Variants in RANBP2 observed in about 807,000 individuals in gnomAD.
RANBP2 encodes the protein RAN binding protein 2, also known as E3 SUMO-protein ligase RanBP2.
In RANBP2, 57 loss-of-function variants were observed where a neutral mutation model predicts 303.6. The ratio of observed to expected loss-of-function variants is 0.19; its 90% confidence interval spans 0.15 to 0.23. The LOEUF (loss-of-function observed/expected upper bound fraction) is 0.23. RANBP2 is among the 10% of genes least tolerant of loss of function. RANBP2 has a pLI of 1.00. For synonymous variants in RANBP2, 1,167 were observed against 1,301.5 expected (o/e 0.90, Z 2.23); for missense variants, 3,138 against 3,780.8 (o/e 0.83, Z 4.46).
At chr2:109,548,116 A>C in the RANBP2 span, among the ~76,000 whole-genome samples, 1 of 146,926 alleles carries the variant, frequency 6.8e-6, no homozygotes, top group Non-Finnish European at 1.5e-5. Context: ...TTCTGCATGC[A>C]GTTCAGAGAG....
In RANBP2 at chr2:108,783,823, G is replaced by A; in HGVS notation, c.9597G>A (p.Val3199=). 6.2e-7 allele frequency: 1 copy of A among 1,612,864 alleles called. No homozygotes were observed. The highest frequency in any genetic ancestry group is 1.1e-5 in the South Asian group (1 of 91,006). ...FGFVKDGMDT[V]KKIESFGSPK... is the part of the protein sequence containing the mutation. Reference sequence around the variant, plus strand: ...TTGTTAAGGATGGCATGGATACTGTGAAAAAGATTGAATCATTTGGTTCTC... The same window carrying A: ...TTGTTAAGGATGGCATGGATACTGTAAAAAAGATTGAATCATTTGGTTCTC... Residue 3199 remains valine, a synonymous_variant, in exon 29 of 29, where the codon GTG becomes GTA. Coordinates refer to ENST00000283195, the MANE Select transcript of RANBP2 (RefSeq NM_006267.5).
chr2:109,264,529 A>T, the RANBP2 span, among the ~76,000 whole-genome samples: 1 of 152,400 alleles, frequency 6.6e-6, no homozygotes, highest in East Asian at 1.9e-4. Flanking sequence ...GGCAAAGTGA[A>T]TCAAGTCTCA....
the RANBP2 span, among the ~76,000 whole-genome samples, chr2:109,670,541 C>T: frequency 1.3e-4 from 20 of 152,132 alleles, no homozygotes; most frequent in African/African-American, 3.1e-4. Flanking sequence ...CTGCCAGTGG[C>T]GGGTGGCAGA....
chr2:108,911,376 G>A, the RANBP2 span, among the ~76,000 whole-genome samples: 1,634 of 152,266 alleles, frequency 0.011, 15 homozygotes, highest in Non-Finnish European at 0.018. Flanking sequence ...TGAGGGCAGG[G>A]TTTGGTGTGG....
chr2:108,858,354 A>C, the RANBP2 span, among the ~76,000 whole-genome samples: 3 of 151,812 alleles, frequency 2.0e-5, no homozygotes, highest in South Asian at 6.2e-4. Flanking sequence ...AAAAACAAAC[A>C]AACAAACAAA....
chr2:108,756,123 A>T (rs2149245473), intron 17 of RANBP2, among the ~76,000 whole-genome samples: 1 of 152,334 alleles, frequency 6.6e-6, no homozygotes, highest in Middle Eastern at 3.4e-3. Context: ...AAAATATAAG[A>T]GTTCGTGGCA....
At chr2:108,966,535 CCTG>C in the RANBP2 span, among the ~76,000 whole-genome samples, 2 of 152,218 alleles carry the variant, frequency 1.3e-5, no homozygotes, top group Non-Finnish European at 2.9e-5. Flanking sequence ...GCTCTTTCAA[CCTG>C]AAGACTATGA....
the RANBP2 span, among the ~76,000 whole-genome samples, chr2:109,704,831 A>G: frequency 1.3e-5 from 2 of 152,186 alleles, no homozygotes; most frequent in South Asian, 4.1e-4. Context: ...AGCCTGGGTG[A>G]CAGGAACGAA....
chr2:108,798,594 T>C, the RANBP2 span: 1 of 1,571,636 alleles, frequency 6.4e-7, no homozygotes, highest in Non-Finnish European at 8.7e-7. Flanking sequence ...GAGGTAACTA[T>C]ATAGCCTTTG....
the RANBP2 span, among the ~76,000 whole-genome samples, chr2:109,394,318 C>T: frequency 6.6e-6 from 1 of 152,170 alleles, no homozygotes; most frequent in African/African-American, 2.4e-5. Context: ...GCGGGGTCCC[C>T]TGTGGGATGG....
chr2:109,129,456 G>A, the RANBP2 span: 1 of 1,495,364 alleles, frequency 6.7e-7, no homozygotes, highest in South Asian at 1.2e-5. Context: ...CGGCTCCCCA[G>A]TCCTGATGCT....
chr2:109,466,935 ATG>A, the RANBP2 span, among the ~76,000 whole-genome samples: 1,616 of 151,564 alleles, frequency 0.011, 34 homozygotes, highest in African/African-American at 0.038. Context: ...GTATGCATGT[ATG>A]TGTGTGTCTA....
the RANBP2 span, among the ~76,000 whole-genome samples, chr2:109,493,554 A>G: frequency 6.8e-6 from 1 of 147,878 alleles, no homozygotes; most frequent in Non-Finnish European, 1.5e-5. Flanking sequence ...CACCATACAC[A>G]TACATACCAT....
the RANBP2 span, among the ~76,000 whole-genome samples, chr2:109,581,368 C>T: frequency 6.6e-5 from 10 of 151,428 alleles, 1 homozygote; most frequent in Admixed American, 6.6e-4. Context: ...ACCCAGGAGG[C>T]GGAGGTTGCA....
the RANBP2 span, among the ~76,000 whole-genome samples, chr2:109,646,657 AT>A: frequency 0.33 from 38,734 of 118,912 alleles, 4,587 homozygotes; most frequent in East Asian, 0.44. Context: ...ATGACTGGCT[AT>A]TTTTTTTTTT....
At chr2:108,803,247 A>G in the RANBP2 span, among the ~76,000 whole-genome samples, 7 of 152,142 alleles carry the variant, frequency 4.6e-5, no homozygotes, top group East Asian at 1.4e-3. Context: ...GAGCGGCTCA[A>G]AGTTGAGCCC....
At chr2:109,277,594 C>A in the RANBP2 span, among the ~76,000 whole-genome samples, 2 of 152,204 alleles carry the variant, frequency 1.3e-5, no homozygotes, top group Non-Finnish European at 2.9e-5. Context: ...ATCTATCACC[C>A]TGCACTCCTC....
the RANBP2 span, among the ~76,000 whole-genome samples, chr2:109,171,865 T>G: frequency 6.6e-6 from 1 of 152,262 alleles, no homozygotes; most frequent in Non-Finnish European, 1.5e-5. Flanking sequence ...TTGTGTTTTA[T>G]ATGGATTCAC....
the RANBP2 span, among the ~76,000 whole-genome samples, chr2:109,325,331 CTTTTTTTTTT>C: frequency 0.015 from 993 of 66,380 alleles, 13 homozygotes; most frequent in African/African-American, 0.06. Flanking sequence ...TTCTTTCTTT[CTTTTTTTTTT>C]TTTTTTTTTT....
Sources: gnomAD v4.1 joint callset for allele counts (sites outside exome capture counted in the v4.1 genomes callset) on GRCh38, gnomAD v4.1.1 for gene constraint, MANE v1.5 for transcripts, NCBI Gene and HGNC (gene_info 2026-07-23, HGNC 2026-07-21) for gene names.